ORC5: variants seen among roughly 807,000 people sequenced by gnomAD.
ORC5 encodes the protein protein phosphatase 1, regulatory subunit 117.
ORC5 carries 39 observed loss-of-function variants against 58.8 expected under a neutral mutation model. The ratio of observed to expected loss-of-function variants is 0.66; its 90% CI spans 0.51 to 0.87. The LOEUF is 0.87. Ranked by LOEUF, ORC5 falls within the 40% of genes least tolerant of loss-of-function variation. ORC5 has a pLI of 0.00. For synonymous variants in ORC5, 218 were observed against 177.6 expected (o/e 1.23, Z -1.81); for missense variants, 493 against 506.3 (o/e 0.97, Z 0.25).
chr7:104,205,793 G>C (rs947284287), intron 1 of ORC5, among the ~76,000 whole-genome samples: 2 of 152,210 alleles, frequency 1.3e-5, no homozygotes, highest in African/African-American at 2.4e-5. Context: ...AAGGCAGGCA[G>C]ATCACTTGAG....
At chr7:104,187,392 T>C (rs1476815774) in intron 6 of ORC5, among the ~76,000 whole-genome samples, 1 of 152,182 alleles carries the variant, frequency 6.6e-6, no homozygotes, top group Non-Finnish European at 1.5e-5. Context: ...TTTAAATGAT[T>C]GCCTTCTGTG....
chr7:104,207,584 T>A (rs1175138949), intron 1 of ORC5, among the ~76,000 whole-genome samples: 1 of 152,172 alleles, frequency 6.6e-6, no homozygotes, highest in Non-Finnish European at 1.5e-5. Flanking sequence ...TTCTGAAAAG[T>A]GTGGCGTGTT....
intron 12 of ORC5, among the ~76,000 whole-genome samples, chr7:104,153,662 G>A (rs944795322): frequency 6.6e-6 from 1 of 152,108 alleles, no homozygotes; most frequent in African/African-American, 2.4e-5. Flanking sequence ...TGCAAAGGAA[G>A]AGCTCTTCAC....
At chr7:104,143,230 A>T (rs1379177181) in intron 12 of ORC5, among the ~76,000 whole-genome samples, 1 of 152,136 alleles carries the variant, frequency 6.6e-6, no homozygotes, top group African/African-American at 2.4e-5. Context: ...TATTTCTCAT[A>T]ACTGATACTT....
At chr7:104,152,185 G>A (rs1798857161) in intron 12 of ORC5, among the ~76,000 whole-genome samples, 1 of 152,094 alleles carries the variant, frequency 6.6e-6, no homozygotes, top group African/African-American at 2.4e-5. Context: ...GTCTTGCTCT[G>A]TCACCCAGGC....
intron 6 of ORC5, among the ~76,000 whole-genome samples, chr7:104,185,792 TA>T (rs898722304): frequency 5.9e-5 from 9 of 151,444 alleles, no homozygotes; most frequent in Non-Finnish European, 1.0e-4. Flanking sequence ...TCCATTTATT[TA>T]AAAAAAATAT....
chr7:104,187,484 AAGAG>A (rs2115999126), intron 6 of ORC5: 1 of 152,722 alleles, frequency 6.5e-6, no homozygotes, highest in South Asian at 2.1e-4. Flanking sequence ...AAAATGTGCT[AAGAG>A]ACATAGAATC....
intron 5 of ORC5, among the ~76,000 whole-genome samples, chr7:104,190,074 C>A (rs1203357649): frequency 6.6e-6 from 1 of 151,926 alleles, no homozygotes; most frequent in Admixed American, 6.6e-5. Flanking sequence ...AACAAAAATA[C>A]CCCACACATT....
At chr7:104,171,906 A>G (rs1299820125) in intron 8 of ORC5, among the ~76,000 whole-genome samples, 1 of 152,174 alleles carries the variant, frequency 6.6e-6, no homozygotes, top group East Asian at 1.9e-4. Context: ...TCCAGTAGCC[A>G]GTGCTCTAAT....
intron 8 of ORC5, among the ~76,000 whole-genome samples, chr7:104,179,995 G>T (rs916772184): frequency 5.9e-5 from 9 of 152,122 alleles, no homozygotes; most frequent in Admixed American, 4.6e-4. Context: ...GCCTACAAAA[G>T]CAATGTTTTC....
intron 12 of ORC5, among the ~76,000 whole-genome samples, 154 bp downstream of exon 12, chr7:104,160,918 C>T (rs935617236): frequency 8.5e-5 from 13 of 152,070 alleles, no homozygotes; most frequent in Non-Finnish European, 1.6e-4. Flanking sequence ...ATTCTATATA[C>T]GTAATTTTCA....
intron 13 of ORC5, among the ~76,000 whole-genome samples, chr7:104,132,728 G>C (rs767644820): frequency 2.0e-5 from 3 of 152,172 alleles, no homozygotes; most frequent in Non-Finnish European, 4.4e-5. Context: ...TTAGGAGCTT[G>C]TATTCTAGAA....
intron 12 of ORC5, among the ~76,000 whole-genome samples, chr7:104,148,618 T>C (rs904912401): frequency 2.0e-5 from 3 of 152,186 alleles, no homozygotes; most frequent in Non-Finnish European, 2.9e-5. Flanking sequence ...ATGTATGAGT[T>C]TGATGTCACA....
chr7:104,149,765 T>C lies in ORC5; in HGVS notation c.1149+11307A>G, dbSNP rs575144923. ...CATTCTGACACTGCTTAACATATTTTATTTCACCTTAGCTTAAAATAATCA... is the reference window on the plus strand; with the variant it reads ...CATTCTGACACTGCTTAACATATTTCATTTCACCTTAGCTTAAAATAATCA... On this transcript the variant is annotated intron_variant, in intron 12 of 13. Coordinates refer to ENST00000297431, the MANE Select transcript of ORC5 (RefSeq NM_002553.4). 1.6e-4 allele frequency among the ~76,000 whole-genome samples: 25 copies of C among 152,316 alleles called. No homozygotes were observed. In the South Asian group the frequency reaches 4.6e-3, roughly 28 times the overall value.
chr7:104,134,416 C>CAA (rs1170848776), intron 13 of ORC5, among the ~76,000 whole-genome samples: 145 of 51,784 alleles, frequency 2.8e-3, no homozygotes, highest in Non-Finnish European at 3.6e-3. Context: ...CACTCCATCT[C>CAA]AAAAAAAAAA....
intron 8 of ORC5, among the ~76,000 whole-genome samples, chr7:104,169,139 C>T (rs777198207): frequency 3.9e-5 from 6 of 152,092 alleles, no homozygotes; most frequent in African/African-American, 1.4e-4. Flanking sequence ...CGGTAAAACT[C>T]CCAATGTTCT....
chr7:104,128,871 A>T (rs1798470232), intron 13 of ORC5, among the ~76,000 whole-genome samples: 1 of 151,964 alleles, frequency 6.6e-6, no homozygotes, highest in African/African-American at 2.4e-5. Flanking sequence ...AATATGGTAA[A>T]ATGGACTTAA....
rs548684790 is a variant in ORC5, at chr7:104,172,270, C to T, written c.825-3745G>A. Among the ~76,000 whole-genome samples the T allele has an allele frequency of 6.6e-5, 10 of 152,308 alleles. No homozygotes were observed. In the South Asian group the frequency reaches 1.9e-3, roughly 28 times the overall value. On this transcript the variant is annotated intron_variant, in intron 8 of 13. Transcript: ENST00000297431. ...TAATTATCCTATGGGACTAGAAGTC[C>T]TTTCATTATTATGTAAGAATCATTT...
chr7:104,202,285 G>A, intron 2 of ORC5: 1 of 211,902 alleles, frequency 4.7e-6, no homozygotes, highest in Admixed American at 5.7e-5. Flanking sequence ...AATGGAACTG[G>A]TAACTATTTT....
Sources: gnomAD v4.1 joint callset for allele counts (sites outside exome capture counted in the v4.1 genomes callset) on GRCh38, gnomAD v4.1.1 for gene constraint, MANE v1.5 for transcripts, NCBI Gene and HGNC (gene_info 2026-07-23, HGNC 2026-07-21) for gene names.